The following ASMT variants were observed in gnomAD, a reference collection of about 807,000 sequenced individuals.
The protein encoded by ASMT is acetylserotonin O-methyltransferase.
A neutral mutation model predicts 41.3 loss-of-function variants in ASMT; 53 were observed. The ratio of observed to expected loss-of-function variants is 1.28; its 90% CI spans 1.03 to 1.61. ASMT has a LOEUF of 1.61. ASMT is among the 40% of genes most tolerant of loss of function. The pLI is 0.00. For missense variants in ASMT, 531 were observed against 441.3 expected, an observed-to-expected ratio of 1.20 and a Z score of -1.82; for synonymous variants, 231 against 184.8, an observed-to-expected ratio of 1.25 and a Z score of -2.03.
intron 1 of ASMT, among the ~76,000 whole-genome samples, chrX:1,618,050 C>T (rs533983057): frequency 4.2e-4 from 64 of 152,300 alleles, no homozygotes; most frequent in African/African-American, 1.3e-3. Context: ...GCCACTGATA[C>T]GCAGAGCGGC....
chrX:1,642,714 G>C (rs1935237072), intron 8 of ASMT, 89 bp from the exon 9 acceptor site: 3 of 1,227,200 alleles, frequency 2.4e-6, no homozygotes, highest in Non-Finnish European at 3.6e-6. Flanking sequence ...TGTCCTCTGA[G>C]GTCTGGCTGT....
chrX:1,622,090 T>A (rs1446914519), intron 1 of ASMT, among the ~76,000 whole-genome samples: 3 of 148,478 alleles, frequency 2.0e-5, no homozygotes, highest in Non-Finnish European at 4.5e-5. Flanking sequence ...CCTCCCGGGT[T>A]TACGCCATTC....
At chrX:1,632,389 C>A (rs6644785) in intron 5 of ASMT, among the ~76,000 whole-genome samples, 2 of 151,894 alleles carry the variant, frequency 1.3e-5, no homozygotes, top group African/African-American at 2.4e-5. Flanking sequence ...CGGTGGCTCA[C>A]GCCTGTCATC....
At chrX:1,624,074 G>T in intron 2 of ASMT, 195 bp from the exon 3 acceptor site, 1 of 218,638 alleles carries the variant, frequency 4.6e-6, no homozygotes, top group Non-Finnish European at 7.8e-6. Flanking sequence ...CGACGGGGGT[G>T]CTAGCCGCCC....
chrX:1,619,203 G>A lies in ASMT; in HGVS notation c.69+3935G>A, dbSNP rs192980501. Among the ~76,000 whole-genome samples the A allele has an allele frequency of 3.0e-4, 46 of 152,108 alleles. 1 individual carries two copies. In the East Asian group the frequency reaches 7.3e-3, roughly 24 times the overall value. ...AAGGTCAGGAGTTCGAGACCAGCCT[G>A]GCCAATATGGTGAAATCCCATCTCT... On this transcript the variant is annotated intron_variant, in intron 1 of 8. Transcript: ENST00000381241.
intron 1 of ASMT, among the ~76,000 whole-genome samples, chrX:1,616,485 T>C (rs1315437948): frequency 3.3e-5 from 5 of 151,184 alleles, no homozygotes; most frequent in Non-Finnish European, 7.4e-5. Flanking sequence ...CAGTGTCCCT[T>C]TTTGGGGTGA....
At chrX:1,615,756 C>T (rs111361922) in intron 1 of ASMT, among the ~76,000 whole-genome samples, 13 of 151,356 alleles carry the variant, frequency 8.6e-5, no homozygotes, top group South Asian at 6.3e-4. Flanking sequence ...GAGCCGAGAT[C>T]GCACCACTGC....
chrX:1,636,173 G>T lies in ASMT; in HGVS notation c.788-265G>T, dbSNP rs1179217053. 1.4e-5 allele frequency: 7 copies of T among 490,788 alleles called. No homozygotes were observed. The East Asian group carries it at 3.0e-4, about 21-fold the overall frequency. The allele number at this position is 490,788 out of a possible 1,614,324, so 30.4% of individuals were successfully genotyped here. A position where few individuals can be genotyped will look rare whatever the true frequency, so the allele number is the denominator to read the frequency against. ...AGGGTTTCACCGTGTTAGCCAGGAT[G>T]GTCTTGATCTCCTGACCTCGTGATC... On this transcript the variant is annotated intron_variant, in intron 7 of 8. Transcript: ENST00000381241.
chrX:1,627,582 T>TTGCA, intron 3 of ASMT, 121 bp from the exon 4 acceptor site: 2 of 1,037,594 alleles, frequency 1.9e-6, no homozygotes, highest in African/African-American at 3.1e-5. Context: ...GATCGTGCCA[T>TTGCA]TGCACTCCAG....
At chrX:1,642,766 T>C (rs762235575) in intron 8 of ASMT, 37 bp from the exon 9 acceptor site, 1 of 1,583,156 alleles carries the variant, frequency 6.3e-7, no homozygotes, top group East Asian at 2.2e-5. Flanking sequence ...TGTCTGTGTG[T>C]TTGTGTGTGA....
In ASMT at chrX:1,626,147, T is replaced by G. The variant is rs73620114; in HGVS notation, c.375-1556T>G. 4.6e-5 allele frequency among the ~76,000 whole-genome samples: 7 copies of G among 151,744 alleles called. No individual in the cohort carries two copies. The South Asian group carries it at 1.0e-3, about 23-fold the overall frequency. Reference sequence around the variant, plus strand: ...AAGGAAGGTGATTCTCTCCAGAACGTAGATTTTCTCCACAACAGGTAGCTT... The same window carrying G: ...AAGGAAGGTGATTCTCTCCAGAACGGAGATTTTCTCCACAACAGGTAGCTT... On this transcript the variant is annotated intron_variant, in intron 3 of 8. Coordinates refer to ENST00000381241, the MANE Select transcript of ASMT (RefSeq NM_001171038.2).
At chrX:1,627,828 G>A (rs1227620463) in intron 4 of ASMT, 57 bp downstream of exon 4, 1 of 1,538,150 alleles carries the variant, frequency 6.5e-7, no homozygotes, top group Non-Finnish European at 9.0e-7. Flanking sequence ...TATTTTTAAA[G>A]GACTTAGGAA....
At chrX:1,634,654 C>CG (rs1556129583) in intron 7 of ASMT, among the ~76,000 whole-genome samples, 3 of 59,560 alleles carry the variant, frequency 5.0e-5, no homozygotes, top group East Asian at 5.4e-4. Context: ...GCTGAGTTAA[C>CG]CCCCCCCCTT....
At chrX:1,621,250 G>T (rs1334517463) in intron 1 of ASMT, among the ~76,000 whole-genome samples, 2 of 152,148 alleles carry the variant, frequency 1.3e-5, no homozygotes, top group Non-Finnish European at 2.9e-5. Context: ...TGTCACTAAG[G>T]TTGCCTGAGC....
chrX:1,617,194 C>T (rs771429334), intron 1 of ASMT, among the ~76,000 whole-genome samples: 147 of 151,644 alleles, frequency 9.7e-4, no homozygotes, highest in African/African-American at 3.4e-3. Context: ...AACGGCAGGG[C>T]GCGGTGGCTC....
At chrX:1,620,316 C>T (rs1343551776) in intron 1 of ASMT, among the ~76,000 whole-genome samples, 2 of 150,846 alleles carry the variant, frequency 1.3e-5, no homozygotes, top group African/African-American at 4.9e-5. Context: ...GGATTACAGG[C>T]GTGCACCACC....
chrX:1,633,348 G>A, intron 7 of ASMT, 58 bp downstream of exon 7: 2 of 1,607,092 alleles, frequency 1.2e-6, no homozygotes, highest in South Asian at 2.2e-5. Context: ...CAGGGGGACT[G>A]GATGTTTCTG....
At chrX:1,630,228 G>T (rs1337445682) in intron 5 of ASMT, among the ~76,000 whole-genome samples, 2 of 151,296 alleles carry the variant, frequency 1.3e-5, no homozygotes, top group Admixed American at 1.3e-4. Flanking sequence ...TTGCCTCCTG[G>T]GTTCAAGCGA....
chrX:1,643,022 T>C lies in ASMT; in HGVS notation c.*8T>C. 1 of 1,613,752 alleles carries C rather than the reference T, an allele frequency of 6.2e-7. No homozygotes were observed. Among genetic ancestry groups the C allele is most frequent in the Non-Finnish European group, 8.5e-7 (1 of 1,179,660 alleles). On this transcript the variant is annotated 3_prime_UTR_variant, in exon 9 of 9. Transcript: ENST00000381241. ...ATTTTAGCCAGGAAATAACTGTTTC[T>C]TGTGACCTGGAACTAACGTCAAAGC...
Sources: gnomAD v4.1 joint callset for allele counts (sites outside exome capture counted in the v4.1 genomes callset) on GRCh38, gnomAD v4.1.1 for gene constraint, MANE v1.5 for transcripts, NCBI Gene and HGNC (gene_info 2026-07-23, HGNC 2026-07-21) for gene names.